The following SLC35D4 variants were observed in gnomAD, a reference collection of about 807,000 sequenced individuals.
SLC35D4 encodes the protein UDP-N-acetylglucosamine transporter SLC35D4.
At chr18:23,377,658 G>C in the SLC35D4 span, 3 of 1,577,356 alleles carry the variant, frequency 1.9e-6, no homozygotes, top group Non-Finnish European at 2.6e-6. Flanking sequence ...ACAGATCTTT[G>C]CAGGAGATGT....
chr18:23,365,968 C>T, the SLC35D4 span, among the ~76,000 whole-genome samples: 1 of 152,188 alleles, frequency 6.6e-6, no homozygotes, highest in Non-Finnish European at 1.5e-5. Flanking sequence ...ATCATACTCA[C>T]CTAATCTACC....
At chr18:23,285,609 T>A in the SLC35D4 span, among the ~76,000 whole-genome samples, 2 of 152,120 alleles carry the variant, frequency 1.3e-5, no homozygotes, top group South Asian at 2.1e-4. Flanking sequence ...GTCCCAAATC[T>A]TCCTTCTTTC....
At chr18:23,321,910 C>T in the SLC35D4 span, among the ~76,000 whole-genome samples, 1 of 152,172 alleles carries the variant, frequency 6.6e-6, no homozygotes, top group Admixed American at 6.5e-5. Context: ...GCCTTTTTCC[C>T]TTCGGATACA....
the SLC35D4 span, among the ~76,000 whole-genome samples, chr18:23,330,234 C>G: frequency 6.6e-6 from 1 of 151,914 alleles, no homozygotes; most frequent in African/African-American, 2.4e-5. Context: ...AGGTGAAGAA[C>G]AATCCCATTT....
chr18:23,266,123 C>T, the SLC35D4 span, among the ~76,000 whole-genome samples: 8 of 152,064 alleles, frequency 5.3e-5, no homozygotes, highest in Non-Finnish European at 7.4e-5. Flanking sequence ...AATATGCAGC[C>T]GGAAGGGGCC....
At chr18:23,390,940 C>A in the SLC35D4 span, among the ~76,000 whole-genome samples, 1 of 152,022 alleles carries the variant, frequency 6.6e-6, no homozygotes, top group Non-Finnish European at 1.5e-5. Flanking sequence ...AAATAATGTT[C>A]CTAGGCCGGG....
At chr18:23,344,126 C>CCGG in the SLC35D4 span, among the ~76,000 whole-genome samples, 1 of 152,188 alleles carries the variant, frequency 6.6e-6, no homozygotes, top group African/African-American at 2.4e-5. Flanking sequence ...AGGTGATCCA[C>CCGG]CTGCCTCTGC....
At chr18:23,286,481 C>G in the SLC35D4 span, among the ~76,000 whole-genome samples, 2 of 152,138 alleles carry the variant, frequency 1.3e-5, no homozygotes, top group African/African-American at 4.8e-5. Context: ...GCCCAAGGCT[C>G]TCTGACTGAC....
At chr18:23,284,730 C>T in the SLC35D4 span, among the ~76,000 whole-genome samples, 3 of 152,220 alleles carry the variant, frequency 2.0e-5, no homozygotes, top group Non-Finnish European at 2.9e-5. Context: ...CCATTAACCA[C>T]ACTGGCAAAT....
chr18:23,251,913 C>G, the SLC35D4 span, among the ~76,000 whole-genome samples: 1 of 152,072 alleles, frequency 6.6e-6, no homozygotes, highest in Non-Finnish European at 1.5e-5. Context: ...TGGTGAAACT[C>G]AGTCTCTCTT....
At chr18:23,426,748 T>C in the SLC35D4 span, among the ~76,000 whole-genome samples, 3 of 152,104 alleles carry the variant, frequency 2.0e-5, no homozygotes, top group Non-Finnish European at 2.9e-5. Context: ...GGAGGCATCA[T>C]GCTACCTGAC....
chr18:23,389,648 C>T, the SLC35D4 span, among the ~76,000 whole-genome samples: 1 of 152,182 alleles, frequency 6.6e-6, no homozygotes, highest in Admixed American at 6.5e-5. Flanking sequence ...AAGCAACTCT[C>T]CTGCCCCACT....
At chr18:23,283,146 G>A in the SLC35D4 span, among the ~76,000 whole-genome samples, 3 of 152,096 alleles carry the variant, frequency 2.0e-5, no homozygotes, top group Admixed American at 6.5e-5. Context: ...TGGACATCAC[G>A]CAAAAAATAA....
the SLC35D4 span, among the ~76,000 whole-genome samples, chr18:23,266,540 G>A: frequency 6.6e-6 from 1 of 152,238 alleles, no homozygotes; most frequent in Non-Finnish European, 1.5e-5. Flanking sequence ...CTCAGGCAGA[G>A]TGTCGGTGAC....
At chr18:23,322,160 A>G in the SLC35D4 span, among the ~76,000 whole-genome samples, 10 of 152,026 alleles carry the variant, frequency 6.6e-5, no homozygotes, top group Non-Finnish European at 1.5e-5. Flanking sequence ...AGGAACCCAG[A>G]CTCCACACAG....
chr18:23,343,144 A>G, the SLC35D4 span, among the ~76,000 whole-genome samples: 1 of 152,168 alleles, frequency 6.6e-6, no homozygotes. Context: ...GCTGGTGTCG[A>G]ACTCCTGATC....
chr18:23,283,217 T>TG, the SLC35D4 span, among the ~76,000 whole-genome samples: 4 of 152,092 alleles, frequency 2.6e-5, no homozygotes, highest in Non-Finnish European at 5.9e-5. Context: ...CCGGGCGTAG[T>TG]GGCTCACACC....
At chr18:23,369,672 C>A in the SLC35D4 span, among the ~76,000 whole-genome samples, 6 of 152,182 alleles carry the variant, frequency 3.9e-5, no homozygotes, top group Non-Finnish European at 5.9e-5. Context: ...GACTTCCATG[C>A]CTCTTCACAC....
chr18:23,328,979 G>A, the SLC35D4 span, among the ~76,000 whole-genome samples: 1 of 152,190 alleles, frequency 6.6e-6, no homozygotes, highest in African/African-American at 2.4e-5. Flanking sequence ...TTAATAAATG[G>A]TGCTGGGAAA....
Sources: allele counts gnomAD v4.1 joint callset (sites outside exome capture counted in the v4.1 genomes callset), GRCh38; gene constraint gnomAD v4.1.1; transcripts MANE v1.5; gene names NCBI Gene and HGNC (gene_info 2026-07-23, HGNC 2026-07-21).